The following SUGCT variants were observed in gnomAD, a reference collection of about 807,000 sequenced individuals.
SUGCT encodes the protein succinyl-CoA:glutarate-CoA transferase, also known as succinyl-CoA:glutarate CoA-transferase.
Under a neutral mutation model 55.0 loss-of-function variants are expected in SUGCT, and 41 were observed. The observed-to-expected ratio is 0.74, with a 90% CI of 0.58 to 0.97. The LOEUF (loss-of-function observed/expected upper bound fraction) is 0.97, where lower values mean the gene tolerates loss of function less well. Among genes scored for constraint, SUGCT ranks in the 50% least tolerant of loss-of-function variants. SUGCT has a pLI of 0.00. For synonymous variants in SUGCT, 187 were observed against 200.4 expected (o/e 0.93, Z 0.56); for missense variants, 568 against 547.8 (o/e 1.04, Z -0.37).
chr7:40,562,071 C>T (rs564138671), intron 12 of SUGCT, among the ~76,000 whole-genome samples: 26 of 150,242 alleles, frequency 1.7e-4, no homozygotes, highest in South Asian at 4.3e-4. Context: ...AGGCTGAAGC[C>T]GCTGGATCAC....
intron 13 of SUGCT, among the ~76,000 whole-genome samples, chr7:40,819,393 A>G (rs534816757): frequency 2.6e-5 from 4 of 152,172 alleles, no homozygotes; most frequent in South Asian, 4.2e-4. Flanking sequence ...AGGTGTTCCT[A>G]TTTCTCCACA....
chr7:40,586,581 A>G (rs1454552193), intron 12 of SUGCT, among the ~76,000 whole-genome samples: 1 of 151,830 alleles, frequency 6.6e-6, no homozygotes, highest in African/African-American at 2.4e-5. Flanking sequence ...CTCTGAGGTG[A>G]TTGACAGTGT....
At chr7:40,291,306 C>G (rs1050122501) in intron 8 of SUGCT, among the ~76,000 whole-genome samples, 1 of 151,514 alleles carries the variant, frequency 6.6e-6, no homozygotes, top group African/African-American at 2.4e-5. Context: ...ACATATACAC[C>G]ATGGAATACT....
chr7:40,726,164 CG>C (rs1221394339), intron 12 of SUGCT, among the ~76,000 whole-genome samples: 3 of 152,080 alleles, frequency 2.0e-5, no homozygotes, highest in Non-Finnish European at 4.4e-5. Flanking sequence ...AGGACAACCA[CG>C]TTGTATTACT....
chr7:40,274,656 G>A lies in SUGCT; in HGVS notation c.720G>A (p.Gln240=). Reference sequence around the variant, plus strand: ...TTGATTGTAACCTACTGTCATCCCAGGTAACAATCCAACTAACATTTCAGA... The same window carrying A: ...TTGATTGTAACCTACTGTCATCCCAAGTAACAATCCAACTAACATTTCAGA... ...LFIDCNLLSS[Q]VACLSHIAAN... is the part of the protein sequence containing the mutation. The change falls in exon 8 of 14, where the codon CAG becomes CAA. Residue 240 remains glutamine, a splice_region_variant and synonymous_variant. Transcript: ENST00000335693. 1.2e-6 allele frequency: 2 copies of A among 1,613,006 alleles called. No individual in the cohort carries two copies. The highest frequency in any genetic ancestry group is 1.7e-6 in the Non-Finnish European group (2 of 1,179,312).
At chr7:40,966,166 G>A in the SUGCT span, 1 of 152,194 alleles carries the variant, frequency 6.6e-6, no homozygotes, top group Non-Finnish European at 1.5e-5. Context: ...AAAACCAATA[G>A]GACCCTGTGG....
intron 12 of SUGCT, among the ~76,000 whole-genome samples, chr7:40,595,842 T>C (rs746552579): frequency 1.3e-5 from 2 of 152,168 alleles, no homozygotes; most frequent in Non-Finnish European, 2.9e-5. Flanking sequence ...TTTGTATCAG[T>C]GGTTGACAGC....
intron 12 of SUGCT, among the ~76,000 whole-genome samples, chr7:40,734,668 T>G (rs1397036804): frequency 6.6e-6 from 1 of 152,174 alleles, no homozygotes; most frequent in Non-Finnish European, 1.5e-5. Context: ...TTATGCTGTA[T>G]TTTTGTCCAA....
At chr7:40,375,249 A>G (rs942542856) in intron 9 of SUGCT, among the ~76,000 whole-genome samples, 8 of 152,140 alleles carry the variant, frequency 5.3e-5, no homozygotes, top group African/African-American at 1.9e-4. Context: ...ATGGTGTTTT[A>G]TCAGTAACAC....
chr7:40,932,644 C>T, the SUGCT span, among the ~76,000 whole-genome samples: 20,439 of 151,922 alleles, frequency 0.13, 1,463 homozygotes, highest in African/African-American at 0.17. Context: ...ACAGTTAGCT[C>T]TTCTTGTTGC....
chr7:40,747,227 G>A (rs1468431782), intron 12 of SUGCT, among the ~76,000 whole-genome samples: 1 of 152,172 alleles, frequency 6.6e-6, no homozygotes, highest in Non-Finnish European at 1.5e-5. Flanking sequence ...TGACATCGTT[G>A]TTTAAAGAGC....
chr7:40,410,923 G>T (rs1786639144), intron 9 of SUGCT, among the ~76,000 whole-genome samples: 1 of 152,090 alleles, frequency 6.6e-6, no homozygotes, highest in South Asian at 2.1e-4. Flanking sequence ...GATTGTCTAG[G>T]TTTAATGAAT....
intron 12 of SUGCT, among the ~76,000 whole-genome samples, chr7:40,726,226 C>T (rs1786605129): frequency 6.6e-6 from 1 of 151,936 alleles, no homozygotes; most frequent in East Asian, 1.9e-4. Context: ...GGAAGCCTTA[C>T]CAATAACAAA....
chr7:40,334,516 T>G (rs1206651716), intron 9 of SUGCT, among the ~76,000 whole-genome samples: 1 of 152,242 alleles, frequency 6.6e-6, no homozygotes, highest in Non-Finnish European at 1.5e-5. Flanking sequence ...TGCTGAGCAT[T>G]TTTTCATGTG....
At chr7:40,737,058 T>G (rs1397647514) in intron 12 of SUGCT, among the ~76,000 whole-genome samples, 1 of 152,170 alleles carries the variant, frequency 6.6e-6, no homozygotes, top group East Asian at 1.9e-4. Context: ...CAGGTAACTG[T>G]GGTTCTCAAA....
chr7:40,285,280 T>G (rs1793249578), intron 8 of SUGCT, among the ~76,000 whole-genome samples: 3 of 152,292 alleles, frequency 2.0e-5, no homozygotes, highest in Non-Finnish European at 1.5e-5. Flanking sequence ...GATTTTGTCC[T>G]TGGAGAACCT....
chr7:40,157,081 T>C (rs139733492), intron 1 of SUGCT, among the ~76,000 whole-genome samples: 2 of 151,198 alleles, frequency 1.3e-5, no homozygotes, highest in East Asian at 3.9e-4. Flanking sequence ...CATAGAAAAG[T>C]AGAACCTGGG....
chr7:40,932,230 C>T, the SUGCT span, among the ~76,000 whole-genome samples: 2 of 151,356 alleles, frequency 1.3e-5, no homozygotes, highest in Non-Finnish European at 3.0e-5. Context: ...GTAGTTGTGT[C>T]GTTTTGAGTG....
At chr7:40,690,374 A>G (rs932815803) in intron 12 of SUGCT, among the ~76,000 whole-genome samples, 1 of 152,216 alleles carries the variant, frequency 6.6e-6, no homozygotes, top group Non-Finnish European at 1.5e-5. Flanking sequence ...GATGTACTCT[A>G]TAAATCAAAT....
Sources: gnomAD v4.1 joint callset for allele counts (sites outside exome capture counted in the v4.1 genomes callset) on GRCh38, gnomAD v4.1.1 for gene constraint, MANE v1.5 for transcripts, NCBI Gene and HGNC (gene_info 2026-07-23, HGNC 2026-07-21) for gene names.